RPS6KC1: variants seen among roughly 807,000 people sequenced by gnomAD.
RPS6KC1 encodes the protein ribosomal protein S6 kinase C1.
In RPS6KC1, 54 loss-of-function variants were observed where a neutral mutation model predicts 103.8. That is an observed-to-expected ratio of 0.52 (90% CI 0.42 to 0.65). The LOEUF is 0.65. Ranked by LOEUF, RPS6KC1 falls within the 30% of genes least tolerant of loss-of-function variation. RPS6KC1 has a pLI of 0.00. For synonymous variants in RPS6KC1, 439 were observed against 438.7 expected, an observed-to-expected ratio of 1.00 and a Z score of -0.01; for missense variants, 1,151 against 1,253.8, an observed-to-expected ratio of 0.92 and a Z score of 1.24.
chr1:213,772,386 G>A, the RPS6KC1 span, among the ~76,000 whole-genome samples: 6 of 152,272 alleles, frequency 3.9e-5, no homozygotes, highest in Non-Finnish European at 5.9e-5. Context: ...CCACAATGTC[G>A]CAAGACTTCC....
chr1:213,302,924 A>G, the RPS6KC1 span, among the ~76,000 whole-genome samples: 1 of 152,256 alleles, frequency 6.6e-6, no homozygotes, highest in Admixed American at 6.5e-5. Context: ...CCCATGTACC[A>G]GAAACATCAA....
At chr1:213,540,642 T>C in the RPS6KC1 span, among the ~76,000 whole-genome samples, 1 of 152,218 alleles carries the variant, frequency 6.6e-6, no homozygotes, top group African/African-American at 2.4e-5. Context: ...TGAGCCACCA[T>C]GTCTGGTCAC....
the RPS6KC1 span, among the ~76,000 whole-genome samples, chr1:213,735,954 A>G: frequency 6.6e-6 from 1 of 152,256 alleles, no homozygotes; most frequent in South Asian, 2.1e-4. Context: ...AACATGGCTT[A>G]AAGAGGAGGT....
the RPS6KC1 span, among the ~76,000 whole-genome samples, chr1:213,754,677 C>T: frequency 1.3e-5 from 2 of 152,238 alleles, no homozygotes; most frequent in African/African-American, 2.4e-5. Flanking sequence ...TGCCGTGCTT[C>T]CTCTACAGTC....
At position 213,246,499 on chromosome 1, in the gene RPS6KC1, C is replaced by G. The variant is rs190719521; in HGVS notation, c.2911+3841C>G. On this transcript the variant is annotated intron_variant, in intron 12 of 14. Coordinates refer to ENST00000366960, the MANE Select transcript of RPS6KC1 (RefSeq NM_012424.6). ...ACTGGAGTAAATTGGTTATTTTTCT[C>G]TGGAGGACTTTCTTCTGGTTACTCT... 3.1e-3 allele frequency among the ~76,000 whole-genome samples: 465 copies of G among 152,150 alleles called. 10 individuals are homozygous for G. The highest frequency in any genetic ancestry group is 1.6e-3 in the Non-Finnish European group (108 of 67,982).
chr1:213,588,430 C>T, the RPS6KC1 span, among the ~76,000 whole-genome samples: 6 of 151,806 alleles, frequency 4.0e-5, no homozygotes, highest in Non-Finnish European at 5.9e-5. Flanking sequence ...TCCTGAGTGG[C>T]TGGGATTACA....
At chr1:213,407,311 A>G in the RPS6KC1 span, among the ~76,000 whole-genome samples, 2 of 152,090 alleles carry the variant, frequency 1.3e-5, no homozygotes, top group African/African-American at 4.8e-5. Flanking sequence ...CTTTGGAGTA[A>G]ATTACTTGGG....
rs748347626 is a variant in RPS6KC1 at position 213,241,052 on chromosome 1, C to T, written c.1576C>T (p.Pro526Ser). The T allele has an allele frequency of 6.2e-7, 1 of 1,613,388 alleles. No individual in the cohort carries two copies. Among genetic ancestry groups the T allele is most frequent in the Non-Finnish European group, 8.5e-7 (1 of 1,179,904 alleles). ...TGAATATGGGCAAGAAAAGATTGAA[C>T]CAGGGTCTTTGAATGAGGAGCCCTT... ...CNEYGQEKIEPGSLNEEPFMK... is the reference protein window; with the variant it reads ...CNEYGQEKIESGSLNEEPFMK... Residue 526 changes from proline (P) to serine (S), a missense_variant, in exon 11 of 15, where the codon CCA becomes TCA. Physicochemically the swap from Pro to Ser is moderately conservative, Grantham distance 74. This residue lies in a region of RPS6KC1 where 959 missense variants were observed against 1,006.3 expected (regional missense o/e 0.95). Coordinates refer to ENST00000366960, the MANE Select transcript of RPS6KC1 (RefSeq NM_012424.6).
chr1:213,270,706 G>A (rs572256929), intron 14 of RPS6KC1, among the ~76,000 whole-genome samples: 1 of 152,276 alleles, frequency 6.6e-6, no homozygotes, highest in African/African-American at 2.4e-5. Context: ...TATCTGATAA[G>A]GGACTTATAT....
chr1:213,697,318 G>A, the RPS6KC1 span, among the ~76,000 whole-genome samples: 19,289 of 152,144 alleles, frequency 0.13, 1,349 homozygotes, highest in African/African-American at 0.19. Flanking sequence ...AATCAGTGTC[G>A]TGCATTACTG....
the RPS6KC1 span, among the ~76,000 whole-genome samples, chr1:213,768,991 G>T: frequency 1.3e-5 from 2 of 152,192 alleles, no homozygotes; most frequent in Non-Finnish European, 2.9e-5. Flanking sequence ...ATGGAGCTCA[G>T]CCCAGAAGTA....
chr1:213,141,761 C>T (rs1219814409), intron 6 of RPS6KC1, among the ~76,000 whole-genome samples: 1 of 151,716 alleles, frequency 6.6e-6, no homozygotes, highest in African/African-American at 2.4e-5. Context: ...GGATGTTTAG[C>T]ACTGTTAACT....
chr1:213,368,110 G>A, the RPS6KC1 span, among the ~76,000 whole-genome samples: 15 of 152,356 alleles, frequency 9.8e-5, no homozygotes, highest in South Asian at 2.1e-4. Context: ...TAGGCCGCTA[G>A]TGGCCTCCTC....
At chr1:213,633,413 A>C in the RPS6KC1 span, among the ~76,000 whole-genome samples, 71 of 152,274 alleles carry the variant, frequency 4.7e-4, no homozygotes, top group African/African-American at 8.2e-4. Flanking sequence ...TAAAGAAAAG[A>C]ATTTTCAACC....
the RPS6KC1 span, among the ~76,000 whole-genome samples, chr1:213,463,496 A>G: frequency 1.3e-5 from 2 of 152,160 alleles, no homozygotes; most frequent in Non-Finnish European, 2.9e-5. Flanking sequence ...GTTTCCCCCA[A>G]TAGTAAACTC....
intron 9 of RPS6KC1, among the ~76,000 whole-genome samples, chr1:213,231,090 A>G (rs1237509578): frequency 1.3e-5 from 2 of 152,110 alleles, no homozygotes; most frequent in South Asian, 2.1e-4. Context: ...TGTTTTTGAT[A>G]CAGAGTATGG....
At chr1:213,242,998 C>T (rs1045377346) in intron 12 of RPS6KC1, among the ~76,000 whole-genome samples, 6 of 151,866 alleles carry the variant, frequency 4.0e-5, no homozygotes, top group South Asian at 2.1e-4. Context: ...TGATTTTTTT[C>T]TTTCTTTCTT....
At chr1:213,299,624 A>G in the RPS6KC1 span, among the ~76,000 whole-genome samples, 2 of 151,922 alleles carry the variant, frequency 1.3e-5, no homozygotes, top group Admixed American at 6.6e-5. Context: ...CACATTAAAA[A>G]TATAAAAAGA....
the RPS6KC1 span, among the ~76,000 whole-genome samples, chr1:213,714,802 G>A: frequency 6.6e-6 from 1 of 152,172 alleles, no homozygotes; most frequent in Admixed American, 6.5e-5. Flanking sequence ...GCAGATAAAC[G>A]TTGCTGCCGC....
Sources: gnomAD v4.1 joint callset for allele counts (sites outside exome capture counted in the v4.1 genomes callset) on GRCh38, gnomAD v4.1.1 for gene constraint, gnomAD v4.1.1 regional missense constraint, MANE v1.5 for transcripts, NCBI Gene and HGNC (gene_info 2026-07-23, HGNC 2026-07-21) for gene names.